ADK: variants seen among roughly 807,000 people sequenced by gnomAD.
ADK encodes the protein adenosine kinase.
Under a neutral mutation model 44.7 loss-of-function variants are expected in ADK, and 24 were observed. The ratio of observed to expected loss-of-function variants is 0.54; its 90% CI spans 0.39 to 0.76. The LOEUF (loss-of-function observed/expected upper bound fraction) is 0.76, where lower values mean the gene tolerates loss of function less well. Among genes scored for constraint, ADK ranks in the 30% least tolerant of loss-of-function variants. The probability of loss-of-function intolerance (pLI) is 0.00; values close to 1 mark genes in which losing one functional copy is unlikely to be tolerated. For missense variants in ADK, 321 were observed against 425.1 expected, an observed-to-expected ratio of 0.76 and a Z score of 2.15; for synonymous variants, 128 against 142.6, an observed-to-expected ratio of 0.90 and a Z score of 0.73.
intron 4 of ADK, among the ~76,000 whole-genome samples, chr10:74,331,547 G>A (rs796872169): frequency 3.3e-5 from 5 of 152,182 alleles, no homozygotes; most frequent in Non-Finnish European, 5.9e-5. Context: ...GCAGTGGCAC[G>A]ATCTCAGCTC....
At chr10:74,230,761 A>T (rs1844730533) in intron 3 of ADK, among the ~76,000 whole-genome samples, 1 of 151,146 alleles carries the variant, frequency 6.6e-6, no homozygotes. Flanking sequence ...GGCTCACTGC[A>T]ATCTCCGCCT....
At chr10:74,200,435 G>A (rs1259452670) in intron 1 of ADK, among the ~76,000 whole-genome samples, 1 of 148,116 alleles carries the variant, frequency 6.8e-6, no homozygotes, top group Non-Finnish European at 1.5e-5. Flanking sequence ...AGTGAGCTGA[G>A]ATTGCACCAT....
At chr10:74,684,628 C>T (rs559156499) in intron 10 of ADK, among the ~76,000 whole-genome samples, 1 of 151,940 alleles carries the variant, frequency 6.6e-6, no homozygotes, top group Non-Finnish European at 1.5e-5. Flanking sequence ...ATAAATTAGC[C>T]GGGCATGGTG....
At chr10:74,467,189 C>G (rs959049312) in intron 6 of ADK, among the ~76,000 whole-genome samples, 1 of 152,034 alleles carries the variant, frequency 6.6e-6, no homozygotes, top group Non-Finnish European at 1.5e-5. Flanking sequence ...AAGAAAAGAT[C>G]GTGCATGTAA....
rs71475261 is a variant in ADK, at chr10:74,177,943, A to ATTTTT, written c.66-22820_66-22819insTTTTT. 2.2e-3 allele frequency among the ~76,000 whole-genome samples: 125 copies of ATTTTT among 56,842 alleles called. 1 individual carries two copies. Among genetic ancestry groups the ATTTTT allele is most frequent in the Middle Eastern group, 0.015 (1 of 66 alleles). The allele number at this position is 56,842 out of a possible 152,430, so 37.3% of individuals were successfully genotyped here. A position where few individuals can be genotyped will look rare whatever the true frequency, so the allele number is the denominator to read the frequency against. Reference sequence around the variant, plus strand: ...CATAATTATATATATATATATATATATATTTTTTTTTTTTTGAGACAGAGT... The same window carrying ATTTTT: ...CATAATTATATATATATATATATATATTTTTTATTTTTTTTTTTTTGAGACAGAGT... On this transcript the variant is annotated intron_variant, in intron 1 of 10. Coordinates refer to ENST00000539909, the MANE Select transcript of ADK (RefSeq NM_006721.4).
chr10:74,268,936 A>G (rs980018474), intron 3 of ADK, among the ~76,000 whole-genome samples: 2 of 152,212 alleles, frequency 1.3e-5, no homozygotes, highest in East Asian at 1.9e-4. Context: ...TTGTTTGGGG[A>G]AATAATATCA....
At chr10:74,491,082 A>G (rs1315242149) in intron 6 of ADK, among the ~76,000 whole-genome samples, 2 of 152,164 alleles carry the variant, frequency 1.3e-5, no homozygotes, top group African/African-American at 4.8e-5. Context: ...TAGGTTTTAT[A>G]TACAGCCATT....
chr10:74,371,646 A>C, intron 4 of ADK: 1 of 1,008,120 alleles, frequency 9.9e-7, no homozygotes, highest in South Asian at 1.3e-5. Flanking sequence ...GGAACAGTAC[A>C]TCTCTATAAG....
chr10:74,605,125 A>C (rs1386583271), intron 9 of ADK, among the ~76,000 whole-genome samples: 1 of 152,222 alleles, frequency 6.6e-6, no homozygotes, highest in Non-Finnish European at 1.5e-5. Context: ...GTTGCTTATC[A>C]GCTTAAGGAG....
chr10:74,568,277 A>G (rs1286482352), intron 7 of ADK, among the ~76,000 whole-genome samples: 2 of 152,252 alleles, frequency 1.3e-5, no homozygotes, highest in Admixed American at 6.5e-5. Flanking sequence ...TTTATGTATT[A>G]TATTCTGACT....
At chr10:74,451,257 T>A (rs949001699) in intron 6 of ADK, among the ~76,000 whole-genome samples, 1 of 151,994 alleles carries the variant, frequency 6.6e-6, no homozygotes, top group East Asian at 1.9e-4. Flanking sequence ...TATTCTGCCC[T>A]GATTGCTTTT....
At chr10:74,182,098 C>T (rs201808864) in intron 1 of ADK, among the ~76,000 whole-genome samples, 1 of 152,112 alleles carries the variant, frequency 6.6e-6, no homozygotes, top group Admixed American at 6.5e-5. Context: ...TAGAATCTGC[C>T]AAGCCACTCA....
chr10:74,204,149 G>T (rs1017277074), intron 2 of ADK, among the ~76,000 whole-genome samples: 2 of 151,886 alleles, frequency 1.3e-5, no homozygotes, highest in South Asian at 2.1e-4. Flanking sequence ...TAGAGACAGG[G>T]TTTCACCATG....
chr10:74,400,776 G>A (rs1843679762), intron 6 of ADK, among the ~76,000 whole-genome samples: 1 of 152,156 alleles, frequency 6.6e-6, no homozygotes, highest in Non-Finnish European at 1.5e-5. Context: ...ACAAATATCC[G>A]TAACTAAAAC....
chr10:74,341,421 G>C (rs1841578756), intron 4 of ADK, among the ~76,000 whole-genome samples: 3 of 151,396 alleles, frequency 2.0e-5, no homozygotes, highest in Admixed American at 2.0e-4. Flanking sequence ...AGCTACTCGG[G>C]AGGCTGAGGC....
chr10:74,403,493 C>T lies in ADK; in HGVS notation c.555+4914C>T, dbSNP rs181234050. On this transcript the variant is annotated intron_variant, in intron 6 of 10. Transcript: ENST00000539909. ...TGCTTCCCTGCAGTTGATCTGATAGCGGACTGCTGTGCTAGCAGTGAGCAA... is the reference window on the plus strand; with the variant it reads ...TGCTTCCCTGCAGTTGATCTGATAGTGGACTGCTGTGCTAGCAGTGAGCAA... 3.1e-3 allele frequency among the ~76,000 whole-genome samples: 467 copies of T among 152,234 alleles called. 5 individuals are homozygous for T. Among genetic ancestry groups the T allele is most frequent in the East Asian group, 7.7e-3 (40 of 5,174 alleles).
chr10:74,368,754 C>A (rs1280648481), intron 4 of ADK, among the ~76,000 whole-genome samples: 1 of 151,996 alleles, frequency 6.6e-6, no homozygotes, highest in East Asian at 1.9e-4. Context: ...CTCAGCTTCC[C>A]AAGTAGCTGG....
Position 74,505,517 on chromosome 10 carries a change from C to CTT in ADK, c.556-19722_556-19721dup, listed in dbSNP as rs35285709. 2.8e-3 allele frequency among the ~76,000 whole-genome samples: 374 copies of CTT among 131,334 alleles called. 2 individuals carry two copies. Among genetic ancestry groups the CTT allele is most frequent in the African/African-American group, 7.6e-3 (269 of 35,270 alleles). 86.2% of individuals were successfully genotyped at this position (131,334 alleles called of 152,430 possible). On this transcript the variant is annotated intron_variant, in intron 6 of 10. Coordinates refer to ENST00000539909, the MANE Select transcript of ADK (RefSeq NM_006721.4). ...CTTGAAACTCTTCAACTTCCCCCCA[C>CTT]TTTTTTTTTTTTTTTTTTGCCATAT...
chr10:74,550,026 C>G (rs1849974135), intron 7 of ADK, among the ~76,000 whole-genome samples: 1 of 151,184 alleles, frequency 6.6e-6, no homozygotes, highest in South Asian at 2.1e-4. Context: ...AGTCAGGGAG[C>G]TTTGATAACC....
Sources: gnomAD v4.1 joint callset for allele counts (sites outside exome capture counted in the v4.1 genomes callset) on GRCh38, gnomAD v4.1.1 for gene constraint, MANE v1.5 for transcripts, NCBI Gene and HGNC (gene_info 2026-07-23, HGNC 2026-07-21) for gene names.